The following LIX1 variants were observed in gnomAD, a reference collection of about 807,000 sequenced individuals.
LIX1 encodes the protein limb and CNS expressed 1, also known as protein limb expression 1 homolog.
In LIX1, 24 loss-of-function variants were observed where a neutral mutation model predicts 33.4. The observed-to-expected ratio is 0.72, with a 90% CI of 0.52 to 1.01. The LOEUF is 1.01. Among genes scored for constraint, LIX1 ranks in the 50% least tolerant of loss-of-function variants. LIX1 has a pLI of 0.00. For synonymous variants in LIX1, 124 were observed against 124.0 expected, an observed-to-expected ratio of 1.00 and a Z score of 0.00; for missense variants, 311 against 339.2, an observed-to-expected ratio of 0.92 and a Z score of 0.65.
intron 1 of LIX1, among the ~76,000 whole-genome samples, chr5:97,137,870 C>T (rs1306428291): frequency 1.3e-5 from 2 of 152,082 alleles, no homozygotes; most frequent in Admixed American, 6.6e-5. Context: ...TTATTGATTT[C>T]ACATAACTGT....
At chr5:97,129,161 A>G (rs1024028138) in intron 1 of LIX1, among the ~76,000 whole-genome samples, 2 of 152,164 alleles carry the variant, frequency 1.3e-5, no homozygotes, top group Admixed American at 6.5e-5. Flanking sequence ...ATCCTCCTGG[A>G]ATGCCCTTCT....
chr5:97,106,877 T>A (rs988245216), intron 3 of LIX1, among the ~76,000 whole-genome samples: 1 of 152,218 alleles, frequency 6.6e-6, no homozygotes, highest in Non-Finnish European at 1.5e-5. Flanking sequence ...GTTTTTCACA[T>A]GTCTAAACAG....
intron 2 of LIX1, among the ~76,000 whole-genome samples, chr5:97,121,749 A>C (rs565576608): frequency 6.6e-6 from 1 of 152,144 alleles, no homozygotes; most frequent in South Asian, 2.1e-4. Context: ...TCTTTTATGC[A>C]TTTGGTTTTC....
intron 4 of LIX1, among the ~76,000 whole-genome samples, chr5:97,104,491 T>C (rs11958159): frequency 0.27 from 40,496 of 152,076 alleles, 6,240 homozygotes; most frequent in African/African-American, 0.43. Context: ...CTAGCTTCAA[T>C]GATAACATGA....
In LIX1 at chr5:97,094,660, T is replaced by C; in HGVS notation, c.*88A>G. ...GAGAGCCTTCAGGTAGTACTAGAGA[T>C]GCTGGAGCCTCTGAGGACCTCTGCA... On this transcript the variant is annotated 3_prime_UTR_variant, in exon 6 of 6. Transcript: ENST00000274382. 1 of 1,253,888 alleles carries C rather than the reference T, an allele frequency of 8.0e-7. No individual in the cohort carries two copies. Among genetic ancestry groups the C allele is most frequent in the Non-Finnish European group, 1.1e-6 (1 of 886,546 alleles). 77.7% of individuals were successfully genotyped at this position (1,253,888 alleles called of 1,614,324 possible).
At chr5:97,133,431 A>G (rs1022793605) in intron 1 of LIX1, among the ~76,000 whole-genome samples, 10 of 152,240 alleles carry the variant, frequency 6.6e-5, no homozygotes, top group Non-Finnish European at 1.5e-4. Flanking sequence ...AGTGTTAGCT[A>G]TTATTTGTGA....
chr5:97,098,017 C>T (rs1280914651), intron 4 of LIX1, among the ~76,000 whole-genome samples: 2 of 152,244 alleles, frequency 1.3e-5, no homozygotes, highest in African/African-American at 4.8e-5. Flanking sequence ...CCAACTTCCT[C>T]TGCTCAGCTC....
intron 1 of LIX1, among the ~76,000 whole-genome samples, chr5:97,134,840 A>G (rs1395714702): frequency 6.6e-6 from 1 of 152,206 alleles, no homozygotes; most frequent in Admixed American, 6.5e-5. Flanking sequence ...TACAACATGT[A>G]GGAATCTCGG....
chr5:97,141,312 C>G (rs1366278472), intron 1 of LIX1, among the ~76,000 whole-genome samples: 1 of 152,142 alleles, frequency 6.6e-6, no homozygotes, highest in Non-Finnish European at 1.5e-5. Context: ...CCTGAATAGA[C>G]TCCAGGCTAG....
intron 2 of LIX1, among the ~76,000 whole-genome samples, chr5:97,116,333 A>T (rs996108210): frequency 6.6e-6 from 1 of 152,118 alleles, no homozygotes; most frequent in Non-Finnish European, 1.5e-5. Context: ...GAACTCAGTC[A>T]CCCAAGTTAA....
At position 97,094,424 on chromosome 5, in the gene LIX1, T is replaced by C; in HGVS notation, c.*324A>G. On this transcript the variant is annotated 3_prime_UTR_variant, in exon 6 of 6. Transcript: ENST00000274382. ...CTATATTGGACTATTCTTGAAACAA[T>C]ATATATAAAATCAAGCAAGGCACGT... The C allele has an allele frequency of 3.4e-6, 1 of 289,910 alleles. No individual in the cohort carries two copies. The allele number at this position is 289,910 out of a possible 1,614,324, so 18.0% of individuals were successfully genotyped here.
Position 97,094,494 on chromosome 5 carries a change from C to T in LIX1, c.*254G>A, listed in dbSNP as rs1020677362. On this transcript the variant is annotated 3_prime_UTR_variant, in exon 6 of 6. Coordinates refer to ENST00000274382, the MANE Select transcript of LIX1 (RefSeq NM_153234.5). The stretch of plus-strand genomic sequence containing the variant: ...GGAGCCAGGCCTGGAAAATGTTTTT[C>T]AAACAATTTTGTGTCTATCCTTTCA... 3 of 467,932 alleles carry T rather than the reference C, an allele frequency of 6.4e-6. No individual in the cohort carries two copies. The highest frequency in any genetic ancestry group is 1.9e-5 in the African/African-American group (1 of 51,344). 29.0% of individuals were successfully genotyped at this position (467,932 alleles called of 1,614,324 possible).
intron 2 of LIX1, among the ~76,000 whole-genome samples, chr5:97,121,597 T>G (rs1179818495): frequency 6.6e-6 from 1 of 152,192 alleles, no homozygotes; most frequent in Non-Finnish European, 1.5e-5. Context: ...CATATTTCAT[T>G]TTCTTGCTCC....
chr5:97,098,604 G>C (rs1475453086), intron 4 of LIX1, among the ~76,000 whole-genome samples: 1 of 152,170 alleles, frequency 6.6e-6, no homozygotes. Context: ...AAAGCTTTTA[G>C]CTGGGCACGG....
intron 2 of LIX1, among the ~76,000 whole-genome samples, chr5:97,121,352 C>A (rs1324534806): frequency 1.3e-5 from 2 of 152,000 alleles, no homozygotes; most frequent in African/African-American, 2.4e-5. Flanking sequence ...AGAAAATTGC[C>A]TCTGTTATTT....
intron 2 of LIX1, among the ~76,000 whole-genome samples, chr5:97,115,489 T>C (rs1747612187): frequency 1.3e-5 from 2 of 152,130 alleles, no homozygotes; most frequent in Non-Finnish European, 2.9e-5. Context: ...ATGTGTTGAG[T>C]AGTTGTTTCT....
intron 4 of LIX1, among the ~76,000 whole-genome samples, chr5:97,098,158 C>T (rs143125095): frequency 7.9e-5 from 12 of 152,266 alleles, no homozygotes; most frequent in African/African-American, 2.6e-4. Flanking sequence ...ATATAATGAA[C>T]AAACTACAGA....
chr5:97,094,989 C>A lies in LIX1; in HGVS notation c.608G>T (p.Arg203Leu). The A allele has an allele frequency of 6.2e-7, 1 of 1,614,106 alleles. No individual in the cohort carries two copies. ...YSQYSLDEKM[R>L]SHMALDWIMK... ...GATCCAGTCCAGGGCCATGTGGCTG[C>A]GCATCTTTTCATCTAGAGAATACTG... The change falls in exon 6 of 6, where the codon CGC becomes CTC. Residue 203 changes from arginine to leucine, a missense_variant. Transcript: ENST00000274382.
intron 2 of LIX1, among the ~76,000 whole-genome samples, chr5:97,117,412 T>A (rs981707830): frequency 2.0e-5 from 3 of 152,224 alleles, no homozygotes; most frequent in Admixed American, 2.0e-4. Flanking sequence ...GGATGTGGAA[T>A]GTCAAGGCCA....
Sources: gnomAD v4.1 joint callset for allele counts (sites outside exome capture counted in the v4.1 genomes callset) on GRCh38, gnomAD v4.1.1 for gene constraint, MANE v1.5 for transcripts, NCBI Gene and HGNC (gene_info 2026-07-23, HGNC 2026-07-21) for gene names.